RPA1: variants seen among roughly 807,000 people sequenced by gnomAD.
The protein encoded by RPA1 is replication protein A 70 kDa DNA-binding subunit.
A neutral mutation model predicts 83.0 loss-of-function variants in RPA1; 49 were observed. That is an observed-to-expected ratio of 0.59 (90% CI 0.47 to 0.75). The LOEUF (loss-of-function observed/expected upper bound fraction) is 0.75, where lower values mean the gene tolerates loss of function less well. Ranked by LOEUF, RPA1 falls within the 30% of genes least tolerant of loss-of-function variation. The probability of loss-of-function intolerance (pLI) is 0.00; values close to 1 mark genes in which losing one functional copy is unlikely to be tolerated. For synonymous variants in RPA1, 279 were observed against 281.8 expected (o/e 0.99, Z 0.10); for missense variants, 693 against 776.1 (o/e 0.89, Z 1.27).
At chr17:1,881,919 A>G (rs17338934) in intron 12 of RPA1, among the ~76,000 whole-genome samples, 24 of 147,956 alleles carry the variant, frequency 1.6e-4, no homozygotes, top group Admixed American at 1.0e-3. Context: ...TTTGGTGGCA[A>G]ATGTCTCCTT....
chr17:1,844,143 C>A, intron 3 of RPA1, 145 bp downstream of exon 3: 1 of 645,650 alleles, frequency 1.5e-6, no homozygotes, highest in Non-Finnish European at 2.7e-6. Flanking sequence ...TTGCAGCTGT[C>A]AGAGAGCATT....
At chr17:1,874,185 A>G (rs560972270) in intron 6 of RPA1, among the ~76,000 whole-genome samples, 9 of 151,508 alleles carry the variant, frequency 5.9e-5, no homozygotes, top group Non-Finnish European at 1.2e-4. Flanking sequence ...CTGGTTGTCT[A>G]TCTTTGCCTT....
intron 5 of RPA1, among the ~76,000 whole-genome samples, chr17:1,854,701 A>G (rs1005444010): frequency 2.6e-5 from 4 of 152,172 alleles, no homozygotes; most frequent in Admixed American, 1.3e-4. Flanking sequence ...AGTGTCCGCT[A>G]TTCCCCACTG....
At chr17:1,889,643 A>G (rs1290636260) in intron 14 of RPA1, among the ~76,000 whole-genome samples, 7 of 152,138 alleles carry the variant, frequency 4.6e-5, no homozygotes. Context: ...ACCCGGCCTT[A>G]AGATTTTTAT....
chr17:1,830,225 T>A (rs1256813072), intron 1 of RPA1, 99 bp downstream of exon 1: 4 of 806,074 alleles, frequency 5.0e-6, no homozygotes, highest in African/African-American at 2.2e-5. Flanking sequence ...CGACGGGGGA[T>A]GAACGCGAGG....
At chr17:1,831,653 C>T (rs1911598592) in intron 1 of RPA1, among the ~76,000 whole-genome samples, 2 of 148,826 alleles carry the variant, frequency 1.3e-5, no homozygotes, top group Non-Finnish European at 3.0e-5. Context: ...GGCTGGAGGG[C>T]AGTGGCGCGA....
chr17:1,836,064 A>G lies in RPA1; in HGVS notation c.33+5938A>G, dbSNP rs188807637. On this transcript the variant is annotated intron_variant, in intron 1 of 16. Transcript: ENST00000254719. Reference sequence around the variant, plus strand: ...CCCCAGAATAACTGCTTTTTAGAAAAATCACTGTCATTGACATTTTGCTTA... The same window carrying G: ...CCCCAGAATAACTGCTTTTTAGAAAGATCACTGTCATTGACATTTTGCTTA... Among the ~76,000 whole-genome samples, 19 of 152,246 alleles carry G rather than the reference A, an allele frequency of 1.2e-4. 1 individual carries two copies. In the East Asian group the frequency reaches 3.7e-3, roughly 29 times the overall value.
chr17:1,861,669 G>A (rs771351717), intron 5 of RPA1, among the ~76,000 whole-genome samples: 37 of 151,376 alleles, frequency 2.4e-4, no homozygotes, highest in Non-Finnish European at 4.9e-4. Flanking sequence ...AATTTTTTCA[G>A]TTGAAACATT....
chr17:1,888,895 G>A, intron 14 of RPA1, 44 bp downstream of exon 14: 1 of 1,582,150 alleles, frequency 6.3e-7, no homozygotes, highest in Non-Finnish European at 8.6e-7. Context: ...TGTTCACGGA[G>A]GCCCTCCCGT....
chr17:1,852,640 G>A (rs1912539171), intron 4 of RPA1, among the ~76,000 whole-genome samples: 1 of 152,178 alleles, frequency 6.6e-6, no homozygotes. Context: ...AGGTCATTGG[G>A]AAGTTATCAC....
chr17:1,840,674 G>T lies in RPA1; in HGVS notation c.34-2129G>T, dbSNP rs573152949. Among the ~76,000 whole-genome samples, 16 of 152,310 alleles carry T rather than the reference G, an allele frequency of 1.1e-4. No homozygotes were observed. In the South Asian group the frequency reaches 1.2e-3, roughly 12 times the overall value. The stretch of plus-strand genomic sequence containing the variant: ...ATCCTCCTGCTTCCGTCTCCGAAAT[G>T]CTGGGATTATAGGCAAGAGCCGCCG... On this transcript the variant is annotated intron_variant, in intron 1 of 16. Transcript: ENST00000254719.
chr17:1,851,810 C>A (rs1164952115), intron 4 of RPA1, among the ~76,000 whole-genome samples: 1 of 147,512 alleles, frequency 6.8e-6, no homozygotes, highest in Admixed American at 6.8e-5. Flanking sequence ...CAGATAATTT[C>A]AGGCTTATCT....
At chr17:1,864,407 C>T (rs1039588917) in intron 5 of RPA1, among the ~76,000 whole-genome samples, 13 of 151,754 alleles carry the variant, frequency 8.6e-5, no homozygotes, top group African/African-American at 3.1e-4. Flanking sequence ...GGCATAGTGG[C>T]ACGCGCCTGT....
chr17:1,876,325 C>T (rs1188903832), intron 7 of RPA1, among the ~76,000 whole-genome samples: 1 of 152,086 alleles, frequency 6.6e-6, no homozygotes, highest in African/African-American at 2.4e-5. Context: ...GAGGCTGAGG[C>T]GGGTGGATCA....
At chr17:1,869,996 G>A (rs1329663444) in intron 5 of RPA1, among the ~76,000 whole-genome samples, 2 of 152,072 alleles carry the variant, frequency 1.3e-5, no homozygotes, top group Admixed American at 6.6e-5. Flanking sequence ...AGAATTGGTC[G>A]TTCACAGTTA....
At chr17:1,851,343 T>C (rs959336130) in intron 4 of RPA1, among the ~76,000 whole-genome samples, 5 of 152,274 alleles carry the variant, frequency 3.3e-5, no homozygotes, top group Non-Finnish European at 7.4e-5. Flanking sequence ...TGACGGTAGA[T>C]TGATGGTCTG....
In RPA1 at chr17:1,898,047, A is replaced by G. The variant is rs1597466741; in HGVS notation, c.*872A>G. On this transcript the variant is annotated 3_prime_UTR_variant, in exon 17 of 17. Transcript: ENST00000254719. ...TTTGTTTCCCTTGCTTTGTTTTAAT[A>G]AACAGTATATTCTTTGGTTGTGAAT... The G allele has an allele frequency of 1.3e-5, 2 of 152,304 alleles. No individual in the cohort carries two copies. Among genetic ancestry groups the G allele is most frequent in the East Asian group, 3.9e-4 (2 of 5,194 alleles). The allele number at this position is 152,304 out of a possible 1,614,324, so 9.4% of individuals were successfully genotyped here.
intron 5 of RPA1, among the ~76,000 whole-genome samples, chr17:1,866,763 C>T (rs1020267960): frequency 5.9e-5 from 9 of 152,226 alleles, no homozygotes; most frequent in African/African-American, 2.2e-4. Flanking sequence ...GCCCGGCCAC[C>T]GTTTTAGTTT....
At chr17:1,873,385 C>T (rs1375417378) in intron 6 of RPA1, among the ~76,000 whole-genome samples, 3 of 152,100 alleles carry the variant, frequency 2.0e-5, no homozygotes, top group Admixed American at 1.3e-4. Context: ...TGGGAAGTCA[C>T]CGTTGAAAAT....
Sources: allele counts gnomAD v4.1 joint callset (sites outside exome capture counted in the v4.1 genomes callset), GRCh38; gene constraint gnomAD v4.1.1; transcripts MANE v1.5; gene names NCBI Gene and HGNC (gene_info 2026-07-23, HGNC 2026-07-21).